LMAN2L: variants seen among roughly 807,000 people sequenced by gnomAD.
LMAN2L encodes the protein lectin, mannose binding 2 like.
A neutral mutation model predicts 44.3 loss-of-function variants in LMAN2L; 30 were observed. The observed-to-expected ratio is 0.68, with a 90% CI of 0.51 to 0.92. The LOEUF (loss-of-function observed/expected upper bound fraction) is 0.92. Among genes scored for constraint, LMAN2L ranks in the 40% least tolerant of loss-of-function variants. LMAN2L has a pLI of 0.00. For synonymous variants in LMAN2L, 183 were observed against 171.1 expected (o/e 1.07, Z -0.54); for missense variants, 429 against 446.1 (o/e 0.96, Z 0.35).
rs769494479 is a variant in LMAN2L at position 96,707,803 on chromosome 2, A to G, written c.815T>C (p.Phe272Ser). The change falls in exon 7 of 8, where the codon TTT becomes TCT. Residue 272 changes from phenylalanine to serine, a missense_variant. Transcript: ENST00000264963. The part of the protein sequence containing the change: ...DNHDVISLKL[F>S]ELTVERTPEE... ...TGGGGTTCTCTCCACTGTCAGTTCA[A>G]ACAACTTCAAGGAAATGACATCATG... The G allele has an allele frequency of 3.7e-6, 6 of 1,613,810 alleles. No individual in the cohort carries two copies. The African/African-American group carries it at 4.0e-5, about 11-fold the overall frequency.
At chr2:96,714,918 C>G (rs1234568061) in intron 4 of LMAN2L, among the ~76,000 whole-genome samples, 2 of 152,016 alleles carry the variant, frequency 1.3e-5, no homozygotes, top group Non-Finnish European at 2.9e-5. Flanking sequence ...ATTCGTATGG[C>G]TAGAGTGGGG....
At chr2:96,712,602 C>G (rs892989807) in intron 4 of LMAN2L, among the ~76,000 whole-genome samples, 1 of 152,162 alleles carries the variant, frequency 6.6e-6, no homozygotes, top group East Asian at 1.9e-4. Context: ...GAACTCAGAA[C>G]ATGGAACGGG....
intron 4 of LMAN2L, among the ~76,000 whole-genome samples, chr2:96,719,279 C>A (rs962852761): frequency 2.0e-5 from 3 of 152,158 alleles, no homozygotes; most frequent in Admixed American, 6.5e-5. Flanking sequence ...TAATCAGAGT[C>A]TCGAAAGGGT....
intron 4 of LMAN2L, among the ~76,000 whole-genome samples, chr2:96,724,915 T>A (rs1383803483): frequency 6.6e-6 from 1 of 152,142 alleles, no homozygotes; most frequent in Non-Finnish European, 1.5e-5. Context: ...CACTGCAAGC[T>A]CCGCTTCCCG....
At chr2:96,727,162 CAT>C (rs1256506070) in intron 4 of LMAN2L, among the ~76,000 whole-genome samples, 2 of 151,898 alleles carry the variant, frequency 1.3e-5, no homozygotes, top group African/African-American at 4.8e-5. Context: ...TGGGTTTTTT[CAT>C]AGATGCCCTT....
intron 6 of LMAN2L, among the ~76,000 whole-genome samples, chr2:96,708,677 T>C (rs1490245993): frequency 6.6e-6 from 1 of 152,154 alleles, no homozygotes; most frequent in Admixed American, 6.5e-5. Context: ...AAAGGTCTCA[T>C]GGCCGCTGTT....
intron 1 of LMAN2L, among the ~76,000 whole-genome samples, chr2:96,738,593 T>A (rs2078565546): frequency 6.6e-6 from 1 of 152,136 alleles, no homozygotes; most frequent in South Asian, 2.1e-4. Flanking sequence ...GGAGCATCGC[T>A]TGAGCCCAGG....
chr2:96,721,866 G>A (rs1482992699), intron 4 of LMAN2L, among the ~76,000 whole-genome samples: 1 of 152,014 alleles, frequency 6.6e-6, no homozygotes, highest in African/African-American at 2.4e-5. Context: ...AACCTTTTTG[G>A]CACCAGGGAC....
intron 4 of LMAN2L, among the ~76,000 whole-genome samples, chr2:96,721,933 C>T (rs1020953665): frequency 2.0e-5 from 3 of 151,960 alleles, no homozygotes; most frequent in East Asian, 1.9e-4. Flanking sequence ...GGGGTGGTTT[C>T]GGGATGATTC....
intron 1 of LMAN2L, among the ~76,000 whole-genome samples, chr2:96,738,538 T>C (rs1391082779): frequency 2.0e-5 from 3 of 151,464 alleles, no homozygotes; most frequent in Non-Finnish European, 2.9e-5. Flanking sequence ...TAGCCAGGTG[T>C]GGTAGTCCTT....
chr2:96,731,533 C>A (rs999518662), intron 4 of LMAN2L, among the ~76,000 whole-genome samples: 2 of 151,986 alleles, frequency 1.3e-5, no homozygotes, highest in African/African-American at 4.8e-5. Context: ...ATAATCCCAG[C>A]TACTCAGGAG....
intron 4 of LMAN2L, among the ~76,000 whole-genome samples, chr2:96,716,068 T>C (rs2078034594): frequency 6.6e-6 from 1 of 152,232 alleles, no homozygotes; most frequent in South Asian, 2.1e-4. Flanking sequence ...TACTCATATA[T>C]ATATAAACAC....
intron 4 of LMAN2L, among the ~76,000 whole-genome samples, chr2:96,728,944 G>A (rs1467180661): frequency 6.6e-6 from 1 of 151,886 alleles, no homozygotes; most frequent in Non-Finnish European, 1.5e-5. Context: ...AGGCTAAGGT[G>A]GGCAGATCAC....
chr2:96,728,775 A>C (rs2078328190), intron 4 of LMAN2L, among the ~76,000 whole-genome samples: 1 of 150,770 alleles, frequency 6.6e-6, no homozygotes, highest in Non-Finnish European at 1.5e-5. Context: ...CCAAAGGCTA[A>C]GGCAGGAGAA....
At chr2:96,720,972 T>G (rs2078140527) in intron 4 of LMAN2L, among the ~76,000 whole-genome samples, 1 of 152,000 alleles carries the variant, frequency 6.6e-6, no homozygotes. Context: ...ACTACAACAC[T>G]GAGATATAAT....
intron 4 of LMAN2L, among the ~76,000 whole-genome samples, chr2:96,715,545 C>A (rs922193469): frequency 6.6e-5 from 10 of 152,220 alleles, no homozygotes; most frequent in African/African-American, 2.4e-4. Context: ...AAGAATCACA[C>A]TGGTTCAGGC....
chr2:96,718,993 C>T (rs942412134), intron 4 of LMAN2L, among the ~76,000 whole-genome samples: 11 of 152,168 alleles, frequency 7.2e-5, no homozygotes, highest in Admixed American at 1.3e-4. Flanking sequence ...AATTTGAGGA[C>T]TTCAATAAAG....
At position 96,711,878 on chromosome 2, in the gene LMAN2L, T is replaced by C; in HGVS notation, c.655A>G (p.Lys219Glu). ...AGGACTCTCACCGTCAAATGCCTCT[T>C]GACGTAGCGAATCACCAGGAAGGTG... ...YDTFLVIRYV[K>E]RHLTIMMDID... The change falls in exon 5 of 8, where the codon AAG becomes GAG. Residue 219 changes from lysine to glutamate, a missense_variant. Transcript: ENST00000264963. 6.2e-7 allele frequency: 1 copy of C among 1,614,238 alleles called. No individual in the cohort carries two copies. Among genetic ancestry groups the C allele is most frequent in the Non-Finnish European group, 8.5e-7 (1 of 1,180,050 alleles).
At position 96,706,972 on chromosome 2, in the gene LMAN2L, C is replaced by T. The variant is rs778699009; in HGVS notation, c.*284G>A. 5.4e-5 allele frequency: 13 copies of T among 242,584 alleles called. No homozygotes were observed. Among genetic ancestry groups the T allele is most frequent in the South Asian group, 1.5e-4 (1 of 6,524 alleles). The allele number at this position is 242,584 out of a possible 1,614,324, so 15.0% of individuals were successfully genotyped here. On this transcript the variant is annotated 3_prime_UTR_variant, in exon 8 of 8. Transcript: ENST00000264963. ...TTCTGTGATTTTGGCATCACAACCA[C>T]GTAAATTCTCTTCACACCTCTGCTC...
Sources: allele counts gnomAD v4.1 joint callset (sites outside exome capture counted in the v4.1 genomes callset), GRCh38; gene constraint gnomAD v4.1.1; transcripts MANE v1.5; gene names NCBI Gene and HGNC (gene_info 2026-07-23, HGNC 2026-07-21).